KLF12: variants seen among roughly 807,000 people sequenced by gnomAD.
KLF12 encodes the protein KLF transcription factor 12, also known as Krueppel-like factor 12.
A neutral mutation model predicts 37.8 loss-of-function variants in KLF12; 9 were observed. That is an observed-to-expected ratio of 0.24 (90% CI 0.14 to 0.42). KLF12 has a LOEUF of 0.42. KLF12 is among the 10% of genes least tolerant of loss of function. The probability of loss-of-function intolerance (pLI) is 1.00; values close to 1 mark genes in which losing one functional copy is unlikely to be tolerated. For synonymous variants in KLF12, 208 were observed against 202.1 expected (o/e 1.03, Z -0.25); for missense variants, 411 against 516.0 (o/e 0.80, Z 1.97).
intron 2 of KLF12, among the ~76,000 whole-genome samples, chr13:73,966,358 T>C (rs190923409): frequency 6.6e-6 from 1 of 152,086 alleles, no homozygotes; most frequent in African/African-American, 2.4e-5. Context: ...ATAATGAACA[T>C]GAATAGTTTT....
At chr13:73,722,441 A>G (rs1050479431) in intron 6 of KLF12, among the ~76,000 whole-genome samples, 4 of 152,194 alleles carry the variant, frequency 2.6e-5, no homozygotes, top group Admixed American at 2.6e-4. Context: ...AACCATGTCA[A>G]TGTCTCTCCT....
At chr13:74,014,787 C>G (rs980294886) in intron 1 of KLF12, among the ~76,000 whole-genome samples, 6 of 152,140 alleles carry the variant, frequency 3.9e-5, no homozygotes, top group Non-Finnish European at 2.9e-5. Context: ...TGTTAATGTT[C>G]AGCAGATTGA....
chr13:73,758,575 C>A (rs1293866743), intron 6 of KLF12, among the ~76,000 whole-genome samples: 1 of 152,110 alleles, frequency 6.6e-6, no homozygotes, highest in Non-Finnish European at 1.5e-5. Flanking sequence ...CTTATGGGTT[C>A]ACATGTTAGG....
chr13:73,951,087 C>G (rs1380622441), intron 2 of KLF12, among the ~76,000 whole-genome samples: 1 of 152,200 alleles, frequency 6.6e-6, no homozygotes, highest in East Asian at 1.9e-4. Context: ...AGTACATTTG[C>G]AATACAACCA....
intron 1 of KLF12, among the ~76,000 whole-genome samples, chr13:74,028,903 CAT>C (rs1303527082): frequency 6.6e-6 from 1 of 151,940 alleles, no homozygotes; most frequent in Non-Finnish European, 1.5e-5. Flanking sequence ...GCAGTAAAAA[CAT>C]ATGATATTAA....
At chr13:73,895,965 C>T (rs1194308770) in intron 3 of KLF12, among the ~76,000 whole-genome samples, 7 of 152,082 alleles carry the variant, frequency 4.6e-5, no homozygotes, top group Middle Eastern at 3.4e-3. Flanking sequence ...GGACTACAGC[C>T]GCGTGCCACC....
At chr13:73,762,238 C>A (rs967029500) in intron 6 of KLF12, among the ~76,000 whole-genome samples, 1 of 152,196 alleles carries the variant, frequency 6.6e-6, no homozygotes, top group African/African-American at 2.4e-5. Context: ...TATTACCACA[C>A]TTTCAATTCC....
At chr13:74,098,030 T>C (rs1285656474) in intron 1 of KLF12, among the ~76,000 whole-genome samples, 1 of 152,136 alleles carries the variant, frequency 6.6e-6, no homozygotes, top group African/African-American at 2.4e-5. Context: ...ACTACTAGCC[T>C]CGACTATCAA....
rs113424043 is a variant in KLF12, at chr13:74,005,464, C to T, written c.-31-10411G>A. Among the ~76,000 whole-genome samples, 445 of 152,266 alleles carry T rather than the reference C, an allele frequency of 2.9e-3. 2 individuals carry two copies. The highest frequency in any genetic ancestry group is 1.0e-2 in the African/African-American group (415 of 41,550). On this transcript the variant is annotated intron_variant, in intron 1 of 7. Transcript: ENST00000377669. ...TTTCAAAATTTAAAAAGGCTGGCAG[C>T]GGTATGCTGCACTTTGGGGAAGCAC...
chr13:73,875,501 T>C (rs1886662439), intron 3 of KLF12, among the ~76,000 whole-genome samples: 1 of 152,174 alleles, frequency 6.6e-6, no homozygotes, highest in Non-Finnish European at 1.5e-5. Context: ...TTGATGAAGC[T>C]TGCTTTGTTG....
chr13:73,857,909 T>C (rs1411922564), intron 3 of KLF12, among the ~76,000 whole-genome samples: 1 of 152,198 alleles, frequency 6.6e-6, no homozygotes, highest in Non-Finnish European at 1.5e-5. Flanking sequence ...GGAAACTTTT[T>C]GTATAATGTT....
chr13:74,089,446 A>G (rs1362241740), intron 1 of KLF12, among the ~76,000 whole-genome samples: 1 of 152,176 alleles, frequency 6.6e-6, no homozygotes, highest in Non-Finnish European at 1.5e-5. Context: ...CAAGTTGAAA[A>G]TTCCACAGAT....
intron 3 of KLF12, among the ~76,000 whole-genome samples, chr13:73,859,966 T>G (rs1011367376): frequency 6.6e-6 from 1 of 152,232 alleles, no homozygotes; most frequent in Admixed American, 6.5e-5. Context: ...AAAAGTTTTA[T>G]TTTTGACCAA....
intron 1 of KLF12, among the ~76,000 whole-genome samples, chr13:74,086,484 A>G (rs1047525266): frequency 2.0e-5 from 3 of 152,056 alleles, no homozygotes; most frequent in Admixed American, 6.6e-5. Flanking sequence ...TCCACGGTGT[A>G]TATGTGCCAC....
At chr13:74,217,039 T>G in the KLF12 span, among the ~76,000 whole-genome samples, 1 of 152,212 alleles carries the variant, frequency 6.6e-6, no homozygotes, top group Admixed American at 6.5e-5. Flanking sequence ...TTTTTATTTT[T>G]AAAAATAGAC....
intron 3 of KLF12, among the ~76,000 whole-genome samples, chr13:73,859,493 A>G (rs1238931818): frequency 6.6e-6 from 1 of 152,220 alleles, no homozygotes; most frequent in African/African-American, 2.4e-5. Context: ...CATGGAATTC[A>G]TGTGCAATTA....
At chr13:74,047,306 G>C (rs9600220) in intron 1 of KLF12, among the ~76,000 whole-genome samples, 1 of 151,980 alleles carries the variant, frequency 6.6e-6, no homozygotes, top group East Asian at 1.9e-4. Flanking sequence ...GCTTTAAAAA[G>C]CCAGGCCAGG....
the KLF12 span, among the ~76,000 whole-genome samples, chr13:74,166,503 C>A: frequency 6.6e-6 from 1 of 152,064 alleles, no homozygotes. Flanking sequence ...TGTAAGACTG[C>A]AACTAACAAA....
chr13:73,788,405 A>C (rs1881479750), intron 5 of KLF12, among the ~76,000 whole-genome samples: 2 of 152,316 alleles, frequency 1.3e-5, no homozygotes, highest in Middle Eastern at 3.4e-3. Flanking sequence ...TCATTCAGAA[A>C]ATCAATGAAG....
Sources: allele counts gnomAD v4.1 joint callset (sites outside exome capture counted in the v4.1 genomes callset), GRCh38; gene constraint gnomAD v4.1.1; transcripts MANE v1.5; gene names NCBI Gene and HGNC (gene_info 2026-07-23, HGNC 2026-07-21).